Variants in PCDHGA4 observed in about 807,000 individuals in gnomAD.
PCDHGA4 encodes protocadherin gamma subfamily A, 4.
Under a neutral mutation model 54.6 loss-of-function variants are expected in PCDHGA4, and 38 were observed. That is an observed-to-expected ratio of 0.70 (90% CI 0.54 to 0.91). The LOEUF is 0.91. Ranked by LOEUF, PCDHGA4 falls within the 40% of genes least tolerant of loss-of-function variation. The probability of loss-of-function intolerance (pLI) is 0.00; values close to 1 mark genes in which losing one functional copy is unlikely to be tolerated. For missense variants in PCDHGA4, 1,298 were observed against 1,220.9 expected, an observed-to-expected ratio of 1.06 and a Z score of -0.94; for synonymous variants, 511 against 512.9, an observed-to-expected ratio of 1.00 and a Z score of 0.05.
Position 141,410,369 on chromosome 5 carries a change from A to T in PCDHGA4, c.2514+52748A>T, listed in dbSNP as rs754541017. Reference sequence around the variant, plus strand: ...CCTGCGACGCTCTCTCAGCCCTGCTACTTGGGACTGCTTCCATCCTGGTCT... The same window carrying T: ...CCTGCGACGCTCTCTCAGCCCTGCTTCTTGGGACTGCTTCCATCCTGGTCT... On this transcript the variant is annotated intron_variant, in intron 1 of 3. Coordinates refer to ENST00000571252, the MANE Select transcript of PCDHGA4 (RefSeq NM_018917.4). The T allele has an allele frequency of 5.6e-6, 9 of 1,613,836 alleles. No homozygotes were observed. The African/African-American group carries it at 1.2e-4, about 22-fold the overall frequency.
Position 141,419,336 on chromosome 5 carries a change from G to A in PCDHGA4, c.2514+61715G>A, listed in dbSNP as rs762064534. 6.8e-6 allele frequency: 11 copies of A among 1,613,772 alleles called. No individual in the cohort carries two copies. In the African/African-American group the frequency reaches 1.3e-4, roughly 20 times the overall value. ...CGGCCGTGTCTCCTACTCTCTCATT[G>A]CCAGCGACCTGGAGTCACGAACGCT... On this transcript the variant is annotated intron_variant, in intron 1 of 3. Coordinates refer to ENST00000571252, the MANE Select transcript of PCDHGA4 (RefSeq NM_018917.4).
Position 141,409,092 on chromosome 5 carries a change from A to C in PCDHGA4, c.2514+51471A>C, listed in dbSNP as rs150634031. On this transcript the variant is annotated intron_variant, in intron 1 of 3. Coordinates refer to ENST00000571252, the MANE Select transcript of PCDHGA4 (RefSeq NM_018917.4). ...AAACATATGTTCTCATTGGATGAGA[A>C]AACAGGTATGATTAAGAATAACCAG... 12 of 1,614,050 alleles carry C rather than the reference A, an allele frequency of 7.4e-6. No homozygotes were observed. The East Asian group carries it at 2.7e-4, about 36-fold the overall frequency.
intron 1 of PCDHGA4, chr5:141,394,982 C>G (rs754667421): frequency 2.7e-5 from 44 of 1,613,866 alleles, no homozygotes; most frequent in Non-Finnish European, 3.6e-5. Context: ...ACAAGTCACG[C>G]CTGCTCCAGG....
At chr5:141,508,732 C>A (rs1037039751) in intron 3 of PCDHGA4, among the ~76,000 whole-genome samples, 3 of 151,880 alleles carry the variant, frequency 2.0e-5, no homozygotes, top group Non-Finnish European at 4.4e-5. Flanking sequence ...GGAGACTACA[C>A]CCCCCACCCC....
intron 1 of PCDHGA4, among the ~76,000 whole-genome samples, chr5:141,450,682 T>C (rs112841569): frequency 0.042 from 6,384 of 151,996 alleles, 168 homozygotes; most frequent in Middle Eastern, 0.086. Context: ...AAACGGGGTT[T>C]TGCCATGTTG....
In PCDHGA4 at chr5:141,406,998, A is replaced by G. The variant is rs138992041; in HGVS notation, c.2514+49377A>G. ...AACATTTCACAAGACATTTGAAAAT[A>G]AGCTTTGAAGTTGACTCAAAATTCT... On this transcript the variant is annotated intron_variant, in intron 1 of 3. Transcript: ENST00000571252. 7.5e-3 allele frequency among the ~76,000 whole-genome samples: 1,140 copies of G among 152,352 alleles called. 5 individuals carry two copies. The highest frequency in any genetic ancestry group is 0.012 in the Non-Finnish European group (837 of 68,024).
At chr5:141,417,854 C>G in intron 1 of PCDHGA4, 2 of 1,543,902 alleles carry the variant, frequency 1.3e-6, no homozygotes, top group Non-Finnish European at 1.8e-6. Flanking sequence ...AGAACCCGAG[C>G]GAACGATGGG....
chr5:141,356,861 A>G lies in PCDHGA4; in HGVS notation c.1754A>G (p.Asp585Gly). The G allele has an allele frequency of 1.2e-6, 2 of 1,614,148 alleles. No homozygotes were observed. The highest frequency in any genetic ancestry group is 1.1e-5 in the South Asian group (1 of 91,080). Reference sequence around the variant, plus strand: ...GTGTCACTGAGCCTCTTTGTGCTGGACCAGAACGACAATGTCCCTGAGATC... The same window carrying G: ...GTGTCACTGAGCCTCTTTGTGCTGGGCCAGAACGACAATGTCCCTGAGATC... ...SNVSLSLFVL[D>G]QNDNVPEILY... Residue 585 changes from aspartate to glycine, a missense_variant, in exon 1 of 4, where the codon GAC (aspartate) becomes GGC (glycine). By Grantham distance (94) the Asp-to-Gly change is moderately conservative. Transcript: ENST00000571252.
chr5:141,415,953 T>C, intron 1 of PCDHGA4: 3 of 486,080 alleles, frequency 6.2e-6, no homozygotes, highest in Non-Finnish European at 9.4e-6. Context: ...TGGTCACATA[T>C]TGAAACTCCA....
chr5:141,441,195 A>C (rs1160365905), intron 1 of PCDHGA4: 1 of 152,224 alleles, frequency 6.6e-6, no homozygotes, highest in Non-Finnish European at 1.5e-5. Context: ...TGATTCCCAA[A>C]GATTCTGCAC....
At chr5:141,504,666 G>T (rs2099839952) in intron 2 of PCDHGA4, among the ~76,000 whole-genome samples, 1 of 107,242 alleles carries the variant, frequency 9.3e-6, no homozygotes, top group South Asian at 3.6e-4. Context: ...AGGGCGGGGG[G>T]TGGGGGTTCT....
In PCDHGA4 at chr5:141,372,944, T is replaced by G. The variant is rs575803755; in HGVS notation, c.2514+15323T>G. ...ATTTTCTGGTGTAGAGTAGGGTGTC[T>G]AGGAAATTCTTTGTAGAATTTCCTG... On this transcript the variant is annotated intron_variant, in intron 1 of 3. Coordinates refer to ENST00000571252, the MANE Select transcript of PCDHGA4 (RefSeq NM_018917.4). The G allele has an allele frequency of 1.0e-5, 8 of 788,876 alleles. No individual in the cohort carries two copies. In the East Asian group the frequency reaches 2.2e-4, roughly 22 times the overall value. The allele number at this position is 788,876 out of a possible 1,614,324, so 48.9% of individuals were successfully genotyped here. A position where few individuals can be genotyped will look rare whatever the true frequency, so the allele number is the denominator to read the frequency against.
At chr5:141,373,374 A>C (rs548052832) in intron 1 of PCDHGA4, among the ~76,000 whole-genome samples, 1 of 152,352 alleles carries the variant, frequency 6.6e-6, no homozygotes, top group African/African-American at 2.4e-5. Flanking sequence ...GAATTGGTTC[A>C]AAATGTGTTT....
chr5:141,374,310 C>T, intron 1 of PCDHGA4: 3 of 1,614,006 alleles, frequency 1.9e-6, no homozygotes, highest in Non-Finnish European at 1.7e-6. Flanking sequence ...CAGCTTTTCT[C>T]TCTGAATCCG....
intron 1 of PCDHGA4, among the ~76,000 whole-genome samples, chr5:141,400,819 C>T (rs1316119038): frequency 6.6e-6 from 1 of 152,132 alleles, no homozygotes; most frequent in Non-Finnish European, 1.5e-5. Context: ...TTTACCTATT[C>T]GTTGTCTCAT....
intron 1 of PCDHGA4, among the ~76,000 whole-genome samples, chr5:141,359,452 A>G (rs1417222684): frequency 6.6e-6 from 1 of 151,658 alleles, no homozygotes; most frequent in Non-Finnish European, 1.5e-5. Context: ...TTTAGCAAAT[A>G]ACAATTTTGA....
At chr5:141,360,105 C>A in intron 1 of PCDHGA4, 1 of 1,550,518 alleles carries the variant, frequency 6.4e-7, no homozygotes. Context: ...CTTATTCCTC[C>A]TATGGGCAAA....
chr5:141,360,462 C>T, intron 1 of PCDHGA4: 1 of 1,613,902 alleles, frequency 6.2e-7, no homozygotes, highest in South Asian at 1.1e-5. Context: ...TCGATACTGT[C>T]GCTGAAAATC....
Position 141,476,380 on chromosome 5 carries a change from G to C in PCDHGA4, c.2515-18427G>C. 1 of 1,614,154 alleles carries C rather than the reference G, an allele frequency of 6.2e-7. No homozygotes were observed. The highest frequency in any genetic ancestry group is 8.5e-7 in the Non-Finnish European group (1 of 1,180,042). On this transcript the variant is annotated intron_variant, in intron 1 of 3. Coordinates refer to ENST00000571252, the MANE Select transcript of PCDHGA4 (RefSeq NM_018917.4). The surrounding 1 kb of genome is among the most constrained non-coding windows in gnomAD (Gnocchi z 7.6). ...ACCGGGAGACCGGAGAGATGTTTGT[G>C]AACGACCGTCTGGATCGAGAGGAGC... is the stretch of plus-strand genomic sequence containing the variant.
Sources: allele counts gnomAD v4.1 joint callset (sites outside exome capture counted in the v4.1 genomes callset), GRCh38; gene constraint gnomAD v4.1.1; non-coding constraint Gnocchi (gnomAD v3.1); transcripts MANE v1.5; gene names NCBI Gene and HGNC (gene_info 2026-07-23, HGNC 2026-07-21).